The following BPTF variants were observed in gnomAD, a reference collection of about 807,000 sequenced individuals.
BPTF encodes the protein bromodomain PHD finger transcription factor, also known as nucleosome-remodeling factor subunit BPTF.
A neutral mutation model predicts 292.5 loss-of-function variants in BPTF; 18 were observed. That is an observed-to-expected ratio of 0.06 (90% CI 0.04 to 0.09). The LOEUF (loss-of-function observed/expected upper bound fraction) is 0.09, where lower values mean the gene tolerates loss of function less well. BPTF is among the 10% of genes least tolerant of loss of function. The pLI, the probability that BPTF is intolerant of heterozygous loss-of-function variation, is 1.00. For missense variants in BPTF, 2,726 were observed against 3,498.7 expected (o/e 0.78, Z 5.57); for synonymous variants, 1,225 against 1,251.9 (o/e 0.98, Z 0.45).
chr17:67,976,597 G>A (rs1313208271), intron 27 of BPTF, among the ~76,000 whole-genome samples: 6 of 146,390 alleles, frequency 4.1e-5, no homozygotes, highest in Non-Finnish European at 7.4e-5. Flanking sequence ...GTGACAGGAC[G>A]ATCACTTGTG....
intron 4 of BPTF, chr17:67,875,815 T>TCC (rs1200261643): frequency 1.1e-4 from 138 of 1,273,706 alleles, no homozygotes; most frequent in South Asian, 2.9e-4. Context: ...AAGCCGAATG[T>TCC]CACCTAAAAC....
intron 1 of BPTF, among the ~76,000 whole-genome samples, chr17:67,830,271 C>T: frequency 6.6e-6 from 1 of 152,096 alleles, no homozygotes; most frequent in Non-Finnish European, 1.5e-5. Flanking sequence ...AGAATACTTA[C>T]CTGGAATTTT....
intron 26 of BPTF, among the ~76,000 whole-genome samples, chr17:67,971,554 C>G (rs2148525904): frequency 6.6e-6 from 1 of 151,678 alleles, no homozygotes; most frequent in South Asian, 2.1e-4. Flanking sequence ...GCCTGTAATC[C>G]CAGCCCTTTG....
chr17:67,843,724 T>A (rs774088986), intron 1 of BPTF, among the ~76,000 whole-genome samples: 26 of 147,956 alleles, frequency 1.8e-4, no homozygotes, highest in Admixed American at 1.6e-3. Flanking sequence ...TTTGTGATAA[T>A]GAGATTTTTA....
intron 7 of BPTF, among the ~76,000 whole-genome samples, chr17:67,899,906 A>G (rs1348592541): frequency 6.6e-6 from 1 of 152,194 alleles, no homozygotes; most frequent in African/African-American, 2.4e-5. Flanking sequence ...AGGAAAAACA[A>G]GGGAATGTTT....
chr17:67,941,475 T>G (rs1272811529), intron 19 of BPTF, among the ~76,000 whole-genome samples: 1 of 152,068 alleles, frequency 6.6e-6, no homozygotes, highest in Non-Finnish European at 1.5e-5. Context: ...AAACTTAGTA[T>G]ATAATACTTC....
chr17:67,888,009 C>T (rs1015779562), intron 4 of BPTF, among the ~76,000 whole-genome samples: 23 of 152,276 alleles, frequency 1.5e-4, no homozygotes, highest in African/African-American at 3.1e-4. Flanking sequence ...CAAGGTACTA[C>T]GATTGATGCC....
At chr17:67,829,880 G>A (rs1174220239) in intron 1 of BPTF, among the ~76,000 whole-genome samples, 2 of 152,176 alleles carry the variant, frequency 1.3e-5, no homozygotes, top group African/African-American at 4.8e-5. Flanking sequence ...TGTAGGTAAT[G>A]TAACAATGCA....
chr17:67,901,757 G>A (rs2061858890), intron 7 of BPTF, among the ~76,000 whole-genome samples: 1 of 152,230 alleles, frequency 6.6e-6, no homozygotes, highest in Non-Finnish European at 1.5e-5. Context: ...CTCAGCATGA[G>A]TGAAGGTGTA....
intron 2 of BPTF, among the ~76,000 whole-genome samples, chr17:67,857,859 C>T (rs2058809457): frequency 6.9e-6 from 1 of 145,398 alleles, no homozygotes; most frequent in Non-Finnish European, 1.5e-5. Context: ...CGATCCTTGG[C>T]TCACTGCAAC....
chr17:67,900,375 G>A (rs2061746122), intron 7 of BPTF, among the ~76,000 whole-genome samples: 1 of 152,032 alleles, frequency 6.6e-6, no homozygotes, highest in South Asian at 2.1e-4. Context: ...AAAGTGCTGG[G>A]ATTACAGGCG....
intron 24 of BPTF, among the ~76,000 whole-genome samples, chr17:67,962,358 T>A (rs1181815252): frequency 1.3e-5 from 2 of 152,196 alleles, no homozygotes; most frequent in Non-Finnish European, 2.9e-5. Flanking sequence ...GACTTTGACA[T>A]GGTGTTCCTA....
chr17:67,844,810 C>G (rs2057911450), intron 1 of BPTF, among the ~76,000 whole-genome samples: 1 of 152,128 alleles, frequency 6.6e-6, no homozygotes, highest in African/African-American at 2.4e-5. Flanking sequence ...ATGGCATGAT[C>G]TCGGCTCACC....
At chr17:67,894,684 G>T (rs761588831) in intron 7 of BPTF, among the ~76,000 whole-genome samples, 24 of 152,126 alleles carry the variant, frequency 1.6e-4, no homozygotes, top group Non-Finnish European at 3.5e-4. Context: ...AAGAGATCTG[G>T]TATATGAAAA....
intron 26 of BPTF, among the ~76,000 whole-genome samples, chr17:67,972,288 T>C (rs782570930): frequency 2.6e-5 from 4 of 152,136 alleles, no homozygotes; most frequent in Non-Finnish European, 5.9e-5. Context: ...CAGGCTGGAG[T>C]GCAGTGTCGT....
chr17:67,881,113 A>G (rs1470141838), intron 4 of BPTF, among the ~76,000 whole-genome samples: 6 of 152,128 alleles, frequency 3.9e-5, no homozygotes, highest in Non-Finnish European at 7.4e-5. Flanking sequence ...AAAAAATGAT[A>G]GGAGTGAGAA....
intron 7 of BPTF, among the ~76,000 whole-genome samples, chr17:67,895,461 CAT>C (rs1491408562): frequency 2.5e-4 from 35 of 140,464 alleles, no homozygotes; most frequent in African/African-American, 9.2e-4. Flanking sequence ...CCACCACATA[CAT>C]TTTTTTTTTT....
intron 17 of BPTF, 126 bp downstream of exon 17, chr17:67,929,613 C>G: frequency 1.8e-6 from 2 of 1,133,814 alleles, no homozygotes; most frequent in Non-Finnish European, 2.4e-6. Context: ...TGACAGAGTA[C>G]TGATTTGGAA....
intron 1 of BPTF, among the ~76,000 whole-genome samples, chr17:67,843,163 T>C (rs1289988900): frequency 2.0e-5 from 3 of 148,836 alleles, no homozygotes; most frequent in Non-Finnish European, 3.0e-5. Context: ...TATATCTACA[T>C]ATATAGATAC....
Sources: gnomAD v4.1 joint callset for allele counts (sites outside exome capture counted in the v4.1 genomes callset) on GRCh38, gnomAD v4.1.1 for gene constraint, MANE v1.5 for transcripts, NCBI Gene and HGNC (gene_info 2026-07-23, HGNC 2026-07-21) for gene names.